ADAMTS17: variants seen among roughly 807,000 people sequenced by gnomAD.
ADAMTS17 encodes the protein A disintegrin and metalloproteinase with thrombospondin motifs 17.
ADAMTS17 carries 113 observed loss-of-function variants against 141.5 expected under a neutral mutation model. That is an observed-to-expected ratio of 0.80 (90% CI 0.69 to 0.93). ADAMTS17 has a LOEUF of 0.93. Ranked by LOEUF, ADAMTS17 falls within the 40% of genes least tolerant of loss-of-function variation. The pLI is 0.00. For missense variants in ADAMTS17, 1,659 were observed against 1,517.9 expected, an observed-to-expected ratio of 1.09 and a Z score of -1.54; for synonymous variants, 768 against 630.6, an observed-to-expected ratio of 1.22 and a Z score of -3.27.
intron 2 of ADAMTS17, among the ~76,000 whole-genome samples, chr15:100,339,631 TC>T (rs2046306510): frequency 7.8e-6 from 1 of 128,268 alleles, no homozygotes; most frequent in Non-Finnish European, 1.6e-5. Context: ...AGGTCCACAT[TC>T]CCCGCCCCAG....
At chr15:100,016,750 C>T (rs2061298016) in intron 18 of ADAMTS17, among the ~76,000 whole-genome samples, 1 of 152,178 alleles carries the variant, frequency 6.6e-6, no homozygotes, top group African/African-American at 2.4e-5. Context: ...GATACCAGCA[C>T]CTGTTCCAGT....
chr15:100,187,728 G>C (rs931823060), intron 8 of ADAMTS17, among the ~76,000 whole-genome samples: 3 of 152,162 alleles, frequency 2.0e-5, no homozygotes, highest in Non-Finnish European at 4.4e-5. Flanking sequence ...GGGCAGCCAC[G>C]GGACCAGCTC....
chr15:100,013,042 G>A (rs1272759973), intron 18 of ADAMTS17, among the ~76,000 whole-genome samples: 1 of 152,142 alleles, frequency 6.6e-6, no homozygotes, highest in Non-Finnish European at 1.5e-5. Flanking sequence ...CCATTTGTTT[G>A]TGTCATCTAT....
intron 18 of ADAMTS17, among the ~76,000 whole-genome samples, chr15:100,035,202 C>T (rs922660238): frequency 2.6e-5 from 4 of 152,174 alleles, no homozygotes; most frequent in Non-Finnish European, 5.9e-5. Context: ...AGAAATGACC[C>T]AGGTTTCACC....
At chr15:100,324,765 T>C (rs570665156) in intron 3 of ADAMTS17, among the ~76,000 whole-genome samples, 47 of 152,306 alleles carry the variant, frequency 3.1e-4, no homozygotes, top group African/African-American at 9.6e-5. Context: ...GTCTCCTCAA[T>C]AGTCAAAAAT....
At chr15:100,109,263 G>GCTCCTCTAAACAC in intron 13 of ADAMTS17, 147 bp from the exon 14 acceptor site, 108 of 1,085,926 alleles carry the variant, frequency 9.9e-5, no homozygotes, top group Non-Finnish European at 1.2e-4. Flanking sequence ...ACGCGCTCCA[G>GCTCCTCTAAACAC]GAAGCGGAAA....
chr15:100,274,280 C>T (rs537611681), intron 4 of ADAMTS17, among the ~76,000 whole-genome samples: 1 of 152,234 alleles, frequency 6.6e-6, no homozygotes, highest in South Asian at 2.1e-4. Flanking sequence ...TTGAAATCTC[C>T]AACTATTATT....
In ADAMTS17 at chr15:100,205,985, T is replaced by C. The variant is rs147072930; in HGVS notation, c.1076-6562A>G. On this transcript the variant is annotated intron_variant, in intron 7 of 21. Coordinates refer to ENST00000268070, the MANE Select transcript of ADAMTS17 (RefSeq NM_139057.4). Reference sequence around the variant, plus strand: ...GCTCCACACTGAGCCACGCACCCACTGATCCCTGCTCCTCCCTCTGGGTCA... The same window carrying C: ...GCTCCACACTGAGCCACGCACCCACCGATCCCTGCTCCTCCCTCTGGGTCA... 4.1e-3 allele frequency among the ~76,000 whole-genome samples: 629 copies of C among 152,310 alleles called. 3 individuals carry two copies. Among genetic ancestry groups the C allele is most frequent in the African/African-American group, 0.014 (598 of 41,578 alleles).
chr15:100,292,142 TC>T (rs1809982247), intron 3 of ADAMTS17, among the ~76,000 whole-genome samples: 2 of 127,280 alleles, frequency 1.6e-5, no homozygotes, highest in East Asian at 2.4e-4. Context: ...CCGTGGGGAG[TC>T]ACGAGACACG....
At chr15:100,283,643 G>A (rs1332634760) in intron 3 of ADAMTS17, among the ~76,000 whole-genome samples, 5 of 152,310 alleles carry the variant, frequency 3.3e-5, no homozygotes, top group South Asian at 4.1e-4. Context: ...ACACCTTGTC[G>A]TATATTTTTA....
chr15:100,103,631 T>C (rs1254554955), intron 14 of ADAMTS17, among the ~76,000 whole-genome samples: 17 of 151,960 alleles, frequency 1.1e-4, no homozygotes, highest in Non-Finnish European at 4.4e-5. Context: ...CAGGCTAGAG[T>C]GCACTGGTGC....
chr15:100,110,042 A>C (rs2036656101), intron 13 of ADAMTS17, among the ~76,000 whole-genome samples: 1 of 151,832 alleles, frequency 6.6e-6, no homozygotes, highest in Non-Finnish European at 1.5e-5. Flanking sequence ...TGTGAAAGGG[A>C]TGACTTTTAT....
At chr15:100,150,240 T>C (rs1367549671) in intron 10 of ADAMTS17, among the ~76,000 whole-genome samples, 1 of 152,162 alleles carries the variant, frequency 6.6e-6, no homozygotes, top group African/African-American at 2.4e-5. Context: ...AATCATTGCT[T>C]GTTGCCCTCT....
chr15:100,223,243 G>A (rs1432365577), intron 7 of ADAMTS17, among the ~76,000 whole-genome samples: 1 of 152,206 alleles, frequency 6.6e-6, no homozygotes, highest in Admixed American at 6.5e-5. Context: ...GCTCACTGCT[G>A]CCACGTGGGG....
chr15:99,985,121 C>A (rs1038089338), intron 20 of ADAMTS17, among the ~76,000 whole-genome samples: 1 of 152,270 alleles, frequency 6.6e-6, no homozygotes, highest in African/African-American at 2.4e-5. Flanking sequence ...CTGTAAAGCA[C>A]GGATGGCCCA....
chr15:100,180,646 A>T (rs1278762136), intron 8 of ADAMTS17, among the ~76,000 whole-genome samples: 1 of 152,226 alleles, frequency 6.6e-6, no homozygotes, highest in Non-Finnish European at 1.5e-5. Context: ...CTTACAATTC[A>T]TGAACGCTGA....
Position 100,157,977 on chromosome 15 carries a change from C to T in ADAMTS17, c.1182-2657G>A, listed in dbSNP as rs1017346540. ...AATCTCGGATCACTGCAACCTCTGC[C>T]TCCCGCGTTCAAGCTATTCTCCTGC... On this transcript the variant is annotated intron_variant, in intron 8 of 21. Transcript: ENST00000268070. Among the ~76,000 whole-genome samples the T allele has an allele frequency of 4.6e-5, 7 of 151,454 alleles. No homozygotes were observed. The South Asian group carries it at 1.5e-3, about 32-fold the overall frequency.
intron 10 of ADAMTS17, among the ~76,000 whole-genome samples, chr15:100,140,110 C>A (rs1203310756): frequency 6.6e-6 from 1 of 152,146 alleles, no homozygotes; most frequent in African/African-American, 2.4e-5. Context: ...ATTCTCCTGC[C>A]TCAGCCTCCT....
chr15:100,124,542 G>A (rs554897802), intron 12 of ADAMTS17, among the ~76,000 whole-genome samples: 1 of 152,306 alleles, frequency 6.6e-6, no homozygotes, highest in East Asian at 1.9e-4. Context: ...AGATGGCACG[G>A]CCATTCTGCA....
Sources: gnomAD v4.1 joint callset for allele counts (sites outside exome capture counted in the v4.1 genomes callset) on GRCh38, gnomAD v4.1.1 for gene constraint, MANE v1.5 for transcripts, NCBI Gene and HGNC (gene_info 2026-07-23, HGNC 2026-07-21) for gene names.